TMEM67: variants seen among roughly 807,000 people sequenced by gnomAD.
TMEM67 encodes the protein meckelin.
In TMEM67, 124 loss-of-function variants were observed where a neutral mutation model predicts 136.6. The ratio of observed to expected loss-of-function variants is 0.91; its 90% CI spans 0.78 to 1.05. TMEM67 has a LOEUF of 1.05. TMEM67 is among the 50% of genes least tolerant of loss of function. TMEM67 has a pLI of 0.00. For missense variants in TMEM67, 1,107 were observed against 1,178.4 expected (o/e 0.94, Z 0.89); for synonymous variants, 364 against 390.5 (o/e 0.93, Z 0.80).
Position 93,758,487 on chromosome 8 carries a change from G to C in TMEM67, c.317G>C (p.Gly106Ala), listed in dbSNP as rs1812680811. The C allele has an allele frequency of 1.2e-6, 2 of 1,611,718 alleles. No homozygotes were observed. The highest frequency in any genetic ancestry group is 1.7e-6 in the Non-Finnish European group (2 of 1,178,152). The change falls in exon 3 of 28, where the codon GGT becomes GCT. Residue 106 changes from glycine (G) to alanine (A), a missense_variant. Around this residue, in one of 3 missense-constraint regions of TMEM67, gnomAD observed 178 missense variants for 159.2 expected, o/e 1.12. Transcript: ENST00000453321. ...ATTTTTTTTCTTTTAATTTAGAAAG[G>C]TGTTACAGAAGATGGCTGGAACTGC... ...ICKKCPENMK[G>A]VTEDGWNCIS...
At chr8:93,810,974 C>A (rs1808676892) in intron 26 of TMEM67, among the ~76,000 whole-genome samples, 1 of 152,040 alleles carries the variant, frequency 6.6e-6, no homozygotes, top group Non-Finnish European at 1.5e-5. Flanking sequence ...TGACTGATAA[C>A]CTATTGTATG....
chr8:93,794,730 A>G (rs1464371948), intron 16 of TMEM67: 2 of 153,618 alleles, frequency 1.3e-5, no homozygotes, highest in African/African-American at 4.8e-5. Flanking sequence ...TCATTCTATA[A>G]TAGTCACTGA....
chr8:93,830,355 C>T, the TMEM67 span, among the ~76,000 whole-genome samples: 1 of 152,158 alleles, frequency 6.6e-6, no homozygotes, highest in Non-Finnish European at 1.5e-5. Flanking sequence ...ATGTGTTTCC[C>T]TGAGTTCTGT....
In TMEM67 at chr8:93,755,815, C is replaced by T. The variant is rs190249177; in HGVS notation, c.261C>T (p.Ile87=). The T allele has an allele frequency of 3.7e-5, 46 of 1,234,734 alleles. No homozygotes were observed. The highest frequency in any genetic ancestry group is 5.0e-5 in the Non-Finnish European group (45 of 897,214). The allele number at this position is 1,234,734 out of a possible 1,614,324, so 76.5% of individuals were successfully genotyped here. A position where few individuals can be genotyped will look rare whatever the true frequency, so the allele number is the denominator to read the frequency against. Residue 87 remains isoleucine (I), a synonymous_variant, in exon 2 of 28, where the codon ATC becomes ATT. Transcript: ENST00000453321. ...SCVCLPGFQM[I]SNNGGPAIIC... is the part of the protein sequence containing the mutation. ...TATGTCTACCAGGATTTCAGATGAT[C>T]TCTAATAATGGAGGACCTGCTATTA... is the stretch of plus-strand genomic sequence containing the variant.
chr8:93,775,147 A>G (rs533107784), intron 7 of TMEM67, among the ~76,000 whole-genome samples: 1 of 152,296 alleles, frequency 6.6e-6, no homozygotes, highest in South Asian at 2.1e-4. Context: ...TGGCTGCATA[A>G]ATGTCTTCTG....
At chr8:93,798,006 G>A (rs182086397) in intron 20 of TMEM67, among the ~76,000 whole-genome samples, 79 of 152,086 alleles carry the variant, frequency 5.2e-4, no homozygotes, top group Admixed American at 1.0e-3. Flanking sequence ...CAAACAAAAA[G>A]TAGTGTTACG....
intron 26 of TMEM67, among the ~76,000 whole-genome samples, chr8:93,813,300 A>G (rs553865717): frequency 6.6e-6 from 1 of 151,468 alleles, no homozygotes; most frequent in South Asian, 2.1e-4. Context: ...TGCCTCAGCT[A>G]CCCAAGTAGC....
At position 93,776,726 on chromosome 8, in the gene TMEM67, T is replaced by C. The variant is rs192073282; in HGVS notation, c.715-3867T>C. Among the ~76,000 whole-genome samples the C allele has an allele frequency of 4.5e-3, 685 of 152,264 alleles. 3 individuals carry two copies. Among genetic ancestry groups the C allele is most frequent in the Middle Eastern group, 0.01 (3 of 294 alleles). On this transcript the variant is annotated intron_variant, in intron 7 of 27. Transcript: ENST00000453321. ...TCAGCTTGATCGTGTTGGATAAGCT[T>C]TTTGATGTGTTGCTGGATTTGGTTT...
chr8:93,805,432 A>C (rs542551345), intron 23 of TMEM67, among the ~76,000 whole-genome samples: 5 of 152,110 alleles, frequency 3.3e-5, no homozygotes, highest in Non-Finnish European at 5.9e-5. Context: ...AAATACAAAA[A>C]AATTAGCCGG....
Position 93,787,917 on chromosome 8 carries a change from G to C in TMEM67, c.1486G>C (p.Asp496His). ...PLITIAYSDI[D>H]IKDANSQSVK... is the part of the protein sequence containing the mutation. ...AATCACCATTGCCTACAGTGACATT[G>C]ATATCAAAGATGCCAACAGCCAGTC... is the stretch of plus-strand genomic sequence containing the variant. Residue 496 changes from aspartate (D) to histidine (H), a missense_variant, in exon 14 of 28, where the codon GAT becomes CAT. Asp to His is a moderately conservative substitution (Grantham distance 81). Around this residue, in one of 3 missense-constraint regions of TMEM67, gnomAD observed 925 missense variants for 1,002.4 expected, o/e 0.92. Coordinates refer to ENST00000453321, the MANE Select transcript of TMEM67 (RefSeq NM_153704.6). 1 of 1,613,914 alleles carries C rather than the reference G, an allele frequency of 6.2e-7. No homozygotes were observed. The highest frequency in any genetic ancestry group is 8.5e-7 in the Non-Finnish European group (1 of 1,179,910).
At position 93,809,887 on chromosome 8, in the gene TMEM67, G is replaced by A. The variant is rs755045298; in HGVS notation, c.2764G>A (p.Asp922Asn). Residue 922 changes from aspartate to asparagine, a missense_variant and splice_region_variant, in exon 26 of 28, where the codon GAT becomes AAT. Transcript: ENST00000453321. ...AATGGAAAAAAGCATCTTTTACAAT[G>A]GTATCTTCTAAATCCCTTTGTAGAA... ...EPMEKSIFYNDEGYSFSSVLY... is the reference protein window; with the variant it reads ...EPMEKSIFYNNEGYSFSSVLY... 2 of 1,574,030 alleles carry A rather than the reference G, an allele frequency of 1.3e-6. No homozygotes were observed. The highest frequency in any genetic ancestry group is 2.2e-5 in the South Asian group (2 of 89,966).
the TMEM67 span, among the ~76,000 whole-genome samples, chr8:93,826,683 T>C: frequency 2.6e-5 from 4 of 152,336 alleles, no homozygotes; most frequent in Non-Finnish European, 5.9e-5. Flanking sequence ...CTCTAAGTCC[T>C]CTTCTTTCCC....
intron 3 of TMEM67, 47 bp from the exon 4 acceptor site, chr8:93,763,795 T>C (rs933227976): frequency 2.6e-5 from 33 of 1,248,030 alleles, no homozygotes; most frequent in Admixed American, 5.1e-5. Context: ...TAGAAGCTTA[T>C]ATGTTTACTA....
the TMEM67 span, among the ~76,000 whole-genome samples, chr8:93,827,174 G>A: frequency 6.6e-6 from 1 of 152,256 alleles, no homozygotes; most frequent in African/African-American, 2.4e-5. Flanking sequence ...GAGAAGGTGA[G>A]CATGGCAGAA....
chr8:93,784,850 G>GA (rs1475143409), intron 11 of TMEM67, among the ~76,000 whole-genome samples: 2 of 152,138 alleles, frequency 1.3e-5, no homozygotes, highest in African/African-American at 2.4e-5. Flanking sequence ...TACAGCAGGA[G>GA]AAAAAATTGG....
intron 11 of TMEM67, among the ~76,000 whole-genome samples, chr8:93,783,758 C>A (rs1219200180): frequency 6.6e-6 from 1 of 152,156 alleles, no homozygotes; most frequent in Non-Finnish European, 1.5e-5. Flanking sequence ...TCCTTTTTCA[C>A]GTGGTGACAG....
rs1003172450 is a variant in TMEM67, at chr8:93,793,433, G to A, written c.1674+137G>A. ...ATATGTAATTAGGGTAAGTATTGCT[G>A]GGTCATATGGTATATGTGTACCTCA... On this transcript the variant is annotated intron_variant, in intron 16 of 27. Transcript: ENST00000453321. 5.5e-6 allele frequency: 4 copies of A among 732,216 alleles called. No individual in the cohort carries two copies. The African/African-American group carries it at 7.0e-5, about 13-fold the overall frequency. The allele number at this position is 732,216 out of a possible 1,614,324, so 45.4% of individuals were successfully genotyped here.
chr8:93,775,731 A>T (rs941956883), intron 7 of TMEM67, among the ~76,000 whole-genome samples: 3 of 152,084 alleles, frequency 2.0e-5, no homozygotes, highest in African/African-American at 4.8e-5. Flanking sequence ...TTGGTACCAG[A>T]ACCATGCTGT....
chr8:93,781,211 G>T (rs1813810858), intron 9 of TMEM67, among the ~76,000 whole-genome samples: 2 of 152,126 alleles, frequency 1.3e-5, no homozygotes, highest in South Asian at 4.1e-4. Flanking sequence ...GTACTTGTAG[G>T]GTTGGGAAGA....
Sources: allele counts gnomAD v4.1 joint callset (sites outside exome capture counted in the v4.1 genomes callset), GRCh38; gene constraint gnomAD v4.1.1; regional missense constraint gnomAD v4.1.1; transcripts MANE v1.5; gene names NCBI Gene and HGNC (gene_info 2026-07-23, HGNC 2026-07-21).